Variants in FRMD4B observed in about 807,000 individuals in gnomAD.
FRMD4B encodes the protein FERM domain-containing protein 4B.
Under a neutral mutation model 141.5 loss-of-function variants are expected in FRMD4B, and 74 were observed. The observed-to-expected ratio is 0.52, with a 90% CI of 0.43 to 0.63. The LOEUF is 0.63. Among genes scored for constraint, FRMD4B ranks in the 30% least tolerant of loss-of-function variants. The pLI, the probability that FRMD4B is intolerant of heterozygous loss-of-function variation, is 0.00. For missense variants in FRMD4B, 1,366 were observed against 1,253.4 expected (o/e 1.09, Z -1.36); for synonymous variants, 506 against 467.9 (o/e 1.08, Z -1.05).
upstream of FRMD4B, among the ~76,000 whole-genome samples, chr3:69,387,173 C>G (rs1704277669): frequency 6.6e-6 from 1 of 152,186 alleles, no homozygotes; most frequent in Non-Finnish European, 1.5e-5. Context: ...GTCTGTTGCC[C>G]AGGCTGGAGA....
chr3:69,382,317 G>A (rs1704137456), intron 1 of FRMD4B, among the ~76,000 whole-genome samples: 1 of 152,232 alleles, frequency 6.6e-6, no homozygotes, highest in Admixed American at 6.5e-5. Flanking sequence ...TGGGATTACA[G>A]GCATGAATCA....
chr3:69,383,283 G>A (rs1704164932), intron 1 of FRMD4B, among the ~76,000 whole-genome samples: 1 of 152,076 alleles, frequency 6.6e-6, no homozygotes, highest in Non-Finnish European at 1.5e-5. Flanking sequence ...CTTAATATTT[G>A]AAAAGCATTA....
chr3:69,395,031 G>A (rs954567454), intron 2 of FRMD4B, among the ~76,000 whole-genome samples: 1 of 152,110 alleles, frequency 6.6e-6, no homozygotes, highest in Non-Finnish European at 1.5e-5. Context: ...GGAGGGCAAG[G>A]GGAGGGAGAA....
intron 2 of FRMD4B, among the ~76,000 whole-genome samples, chr3:69,399,100 TA>T (rs1439905830): frequency 6.6e-6 from 1 of 152,114 alleles, no homozygotes; most frequent in East Asian, 1.9e-4. Flanking sequence ...CCAAATGCAA[TA>T]ATTGTTGAAT....
intron 1 of FRMD4B, among the ~76,000 whole-genome samples, chr3:69,455,477 C>G (rs2106902834): frequency 6.6e-6 from 1 of 152,332 alleles, no homozygotes; most frequent in South Asian, 2.1e-4. Context: ...ACCTTGAGAG[C>G]TGTAAGGCTC....
At chr3:69,443,327 G>A (rs1705366863) in intron 1 of FRMD4B, among the ~76,000 whole-genome samples, 1 of 152,136 alleles carries the variant, frequency 6.6e-6, no homozygotes, top group Non-Finnish European at 1.5e-5. Context: ...AAACTCCACT[G>A]GCACAGAAAC....
At chr3:69,440,882 T>A (rs1355476015) in intron 1 of FRMD4B, among the ~76,000 whole-genome samples, 1 of 152,240 alleles carries the variant, frequency 6.6e-6, no homozygotes, top group Non-Finnish European at 1.5e-5. Flanking sequence ...AGAACTACAA[T>A]GAATTTGTAA....
chr3:69,470,890 G>A (rs1705877152), intron 1 of FRMD4B, among the ~76,000 whole-genome samples: 1 of 152,190 alleles, frequency 6.6e-6, no homozygotes, highest in Non-Finnish European at 1.5e-5. Context: ...GGCTAAATAA[G>A]TAGTAGTAAA....
intron 7 of FRMD4B, among the ~76,000 whole-genome samples, chr3:69,230,822 C>T (rs1213212795): frequency 6.6e-6 from 1 of 152,052 alleles, no homozygotes; most frequent in African/African-American, 2.4e-5. Flanking sequence ...AGTATAAATG[C>T]TTAAACTGTA....
intron 7 of FRMD4B, among the ~76,000 whole-genome samples, chr3:69,229,455 T>C (rs1452529222): frequency 6.6e-6 from 1 of 152,208 alleles, no homozygotes; most frequent in Non-Finnish European, 1.5e-5. Context: ...AACATCACTT[T>C]CCTATAAGAA....
At chr3:69,351,239 A>G (rs542297476) in intron 1 of FRMD4B, among the ~76,000 whole-genome samples, 5 of 152,326 alleles carry the variant, frequency 3.3e-5, no homozygotes, top group Admixed American at 3.3e-4. Flanking sequence ...AGTTTAGGAA[A>G]ATATTGCATT....
At chr3:69,358,492 T>G (rs760830515) in intron 1 of FRMD4B, among the ~76,000 whole-genome samples, 3 of 152,084 alleles carry the variant, frequency 2.0e-5, no homozygotes, top group Non-Finnish European at 4.4e-5. Flanking sequence ...TCCCAGCAGT[T>G]TGGGAAGCCA....
chr3:69,477,484 C>G (rs984010761), intron 1 of FRMD4B, among the ~76,000 whole-genome samples: 31 of 151,586 alleles, frequency 2.0e-4, no homozygotes, highest in African/African-American at 7.3e-4. Flanking sequence ...GTCTTTGGTT[C>G]TGTTTATATG....
At chr3:69,444,126 CA>C (rs1705378995) in intron 1 of FRMD4B, among the ~76,000 whole-genome samples, 1 of 152,170 alleles carries the variant, frequency 6.6e-6, no homozygotes, top group Non-Finnish European at 1.5e-5. Context: ...CAGCATTCCC[CA>C]TTCCCTAGCC....
intron 5 of FRMD4B, among the ~76,000 whole-genome samples, chr3:69,251,074 C>A (rs1049316832): frequency 3.9e-5 from 6 of 152,022 alleles, no homozygotes; most frequent in Admixed American, 6.6e-5. Context: ...CATATTATAA[C>A]AATGAATGGT....
upstream of FRMD4B, among the ~76,000 whole-genome samples, chr3:69,389,951 C>T (rs1252401737): frequency 6.6e-6 from 1 of 151,642 alleles, no homozygotes; most frequent in African/African-American, 2.4e-5. Context: ...CTTTCCTCCT[C>T]AGCACAGAGT....
At chr3:69,493,309 G>A (rs1308755462) in intron 1 of FRMD4B, among the ~76,000 whole-genome samples, 1 of 152,134 alleles carries the variant, frequency 6.6e-6, no homozygotes, top group Non-Finnish European at 1.5e-5. Context: ...AACTCAAAAT[G>A]CTGCTAAGAG....
intron 1 of FRMD4B, among the ~76,000 whole-genome samples, chr3:69,517,379 A>G (rs1700779346): frequency 6.6e-6 from 1 of 152,184 alleles, no homozygotes; most frequent in Admixed American, 6.5e-5. Flanking sequence ...ACCTTGTGAA[A>G]AAAAGAGCAC....
chr3:69,414,248 A>G (rs1239957720), intron 2 of FRMD4B, among the ~76,000 whole-genome samples: 1 of 152,090 alleles, frequency 6.6e-6, no homozygotes, highest in Non-Finnish European at 1.5e-5. Flanking sequence ...CAAACAGGAA[A>G]TAATCAAGGT....
Sources: gnomAD v4.1 joint callset for allele counts (sites outside exome capture counted in the v4.1 genomes callset) on GRCh38, gnomAD v4.1.1 for gene constraint, MANE v1.5 for transcripts, NCBI Gene and HGNC (gene_info 2026-07-23, HGNC 2026-07-21) for gene names.